RASSF6: variants seen among roughly 807,000 people sequenced by gnomAD.
RASSF6 encodes the protein Ras association domain family member 6.
RASSF6 carries 52 observed loss-of-function variants against 44.0 expected under a neutral mutation model. The observed-to-expected ratio is 1.18, with a 90% CI of 0.95 to 1.49. The LOEUF (loss-of-function observed/expected upper bound fraction) is 1.49. Among genes scored for constraint, RASSF6 ranks in the 40% most tolerant of loss-of-function variants. The probability of loss-of-function intolerance (pLI) is 0.00; values close to 1 mark genes in which losing one functional copy is unlikely to be tolerated. For synonymous variants in RASSF6, 162 were observed against 124.6 expected, an observed-to-expected ratio of 1.30 and a Z score of -2.00; for missense variants, 464 against 393.3, an observed-to-expected ratio of 1.18 and a Z score of -1.52.
At chr4:73,620,501 G>C (rs1726635033), upstream of RASSF6, 1 of 1,537,124 alleles carries the variant, frequency 6.5e-7, no homozygotes, top group Admixed American at 2.1e-5. Context: ...CCCAGAGCAT[G>C]GCTCAGCTGG....
At chr4:73,581,103 A>AC (rs1290018088) in intron 8 of RASSF6, among the ~76,000 whole-genome samples, 3 of 74,398 alleles carry the variant, frequency 4.0e-5, no homozygotes, top group Non-Finnish European at 9.8e-5. Context: ...CATTTTCTTA[A>AC]GGTGTTCTGG....
At chr4:73,578,591 T>C (rs1723397713) in intron 8 of RASSF6, among the ~76,000 whole-genome samples, 2 of 151,990 alleles carry the variant, frequency 1.3e-5, no homozygotes, top group Non-Finnish European at 1.5e-5. Context: ...AATCATATCG[T>C]GCTTGCTATT....
chr4:73,604,884 C>CTTTTTTTTTTTTTTTTTTTTTTTTT (rs35609056), intron 2 of RASSF6, among the ~76,000 whole-genome samples: 1 of 138,332 alleles, frequency 7.2e-6, no homozygotes, highest in Non-Finnish European at 1.5e-5. Context: ...CATTTTCTTT[C>CTTTTTTTTTTTTTTTTTTTTTTTTT]TTTTTTTTTT....
At chr4:73,608,098 C>T (rs1381421896) in intron 2 of RASSF6, among the ~76,000 whole-genome samples, 3 of 146,504 alleles carry the variant, frequency 2.0e-5, no homozygotes, top group African/African-American at 5.1e-5. Flanking sequence ...TTATGGTATG[C>T]TCTCAAAAGT....
Position 73,576,480 on chromosome 4 carries a change from A to T in RASSF6, c.868T>A (p.Ser290Thr), listed in dbSNP as rs1375632160. ...CTTTGAAGAATGGATTCCAAGAGAG[A>T]AAAGTGAAAGTTAATGTACTGAGCC... is the stretch of plus-strand genomic sequence containing the variant. ...DVAQYINFHF[S>T]LLESILQRLN... Residue 290 changes from serine (S) to threonine (T), a missense_variant, in exon 10 of 11, where the codon TCT becomes ACT. Transcript: ENST00000307439. 6.3e-7 allele frequency: 1 copy of T among 1,583,774 alleles called. No homozygotes were observed. The highest frequency in any genetic ancestry group is 1.4e-5 in the African/African-American group (1 of 73,760).
chr4:73,602,774 C>T (rs1166959563), intron 2 of RASSF6, among the ~76,000 whole-genome samples: 1 of 152,136 alleles, frequency 6.6e-6, no homozygotes, highest in Non-Finnish European at 1.5e-5. Context: ...TCTGTGATGT[C>T]CAAGGCACGC....
Position 73,575,382 on chromosome 4 carries a change from T to C in RASSF6, c.*853A>G, listed in dbSNP as rs925155732. Reference sequence around the variant, plus strand: ...GAATAAGATGCTAAGAGGGCAGAGTTTGGGATTCCCTATGTAACTTCAGCT... The same window carrying C: ...GAATAAGATGCTAAGAGGGCAGAGTCTGGGATTCCCTATGTAACTTCAGCT... On this transcript the variant is annotated 3_prime_UTR_variant, in exon 11 of 11. Transcript: ENST00000307439. 3 of 152,256 alleles carry C rather than the reference T, an allele frequency of 2.0e-5. No homozygotes were observed. Among genetic ancestry groups the C allele is most frequent in the East Asian group, 3.9e-4 (2 of 5,184 alleles). The allele number at this position is 152,256 out of a possible 1,614,324, so 9.4% of individuals were successfully genotyped here. A position where few individuals can be genotyped will look rare whatever the true frequency, so the allele number is the denominator to read the frequency against.
At chr4:73,616,290 C>T (rs1293532749) in intron 1 of RASSF6, among the ~76,000 whole-genome samples, 1 of 152,014 alleles carries the variant, frequency 6.6e-6, no homozygotes, top group African/African-American at 2.4e-5. Context: ...CAGGTGCTAA[C>T]TTCCCTGTAT....
chr4:73,608,887 G>A (rs1725824708), intron 2 of RASSF6, among the ~76,000 whole-genome samples: 1 of 152,218 alleles, frequency 6.6e-6, no homozygotes, highest in Non-Finnish European at 1.5e-5. Flanking sequence ...GCAGCCTCTG[G>A]AACACTGGCT....
chr4:73,588,110 A>G (rs1247661), intron 4 of RASSF6, among the ~76,000 whole-genome samples, 176 bp from the exon 5 acceptor site: 150,089 of 152,128 alleles, frequency 0.99, 74,067 homozygotes, highest in Middle Eastern at 1. Context: ...CAAAGTGGTC[A>G]ATATATGTTT....
chr4:73,609,456 A>T (rs1030494691), intron 2 of RASSF6, among the ~76,000 whole-genome samples: 5 of 152,280 alleles, frequency 3.3e-5, no homozygotes, highest in African/African-American at 9.6e-5. Flanking sequence ...AACTCAGAGA[A>T]TTCTCATCCA....
rs980217097 is a variant in RASSF6 at position 73,586,329 on chromosome 4, G to T, written c.383-965C>A. On this transcript the variant is annotated intron_variant, in intron 5 of 10. Transcript: ENST00000307439. ...TTCATAATTGATTAGTCAAAATTTG[G>T]TTACTGAATTATTACAATTTCTATA... is the stretch of plus-strand genomic sequence containing the variant. Among the ~76,000 whole-genome samples, 7 of 151,606 alleles carry T rather than the reference G, an allele frequency of 4.6e-5. No individual in the cohort carries two copies. In the East Asian group the frequency reaches 7.8e-4, roughly 17 times the overall value.
rs773058950 is a variant in RASSF6, at chr4:73,611,835, C to T, written c.-34-6G>A. On this transcript the variant is annotated splice_polypyrimidine_tract_variant and splice_region_variant and intron_variant, in intron 1 of 10. Coordinates refer to ENST00000307439, the MANE Select transcript of RASSF6 (RefSeq NM_177532.5). The stretch of plus-strand genomic sequence containing the variant: ...TGAGATGGTCTGAGGATATCCTAAA[C>T]ATGAGAATAATATTAATGATTTGTT... 1.3e-6 allele frequency: 2 copies of T among 1,553,520 alleles called. No homozygotes were observed. Among genetic ancestry groups the T allele is most frequent in the East Asian group, 4.5e-5 (2 of 44,340 alleles).
Position 73,572,504 on chromosome 4 carries a change from C to G in RASSF6, c.*3731G>C, listed in dbSNP as rs1207930381. 1 of 150,990 alleles carries G rather than the reference C, an allele frequency of 6.6e-6. No individual in the cohort carries two copies. The highest frequency in any genetic ancestry group is 1.5e-5 in the Non-Finnish European group (1 of 67,730). The allele number at this position is 150,990 out of a possible 1,614,324, so 9.4% of individuals were successfully genotyped here. ...CATATATAATAATATAATATTGTAC[C>G]CCATAAATACATACAATTATTATTT... On this transcript the variant is annotated 3_prime_UTR_variant, in exon 11 of 11. Coordinates refer to ENST00000307439, the MANE Select transcript of RASSF6 (RefSeq NM_177532.5).
At chr4:73,598,772 G>C in intron 2 of RASSF6, 54 bp from the exon 3 acceptor site, 1 of 725,726 alleles carries the variant, frequency 1.4e-6, no homozygotes, top group Non-Finnish European at 2.2e-6. Context: ...TAACGTAAAA[G>C]GTGATAATGG....
At chr4:73,618,851 T>TTACTAGTCA (rs1408773461) in intron 1 of RASSF6, among the ~76,000 whole-genome samples, 20 of 152,310 alleles carry the variant, frequency 1.3e-4, no homozygotes, top group African/African-American at 4.1e-4. Context: ...TCAATGGAAA[T>TTACTAGTCA]TACTAGTCAT....
chr4:73,587,964 C>A (rs1294673179), intron 4 of RASSF6, 30 bp from the exon 5 acceptor site: 4 of 1,413,392 alleles, frequency 2.8e-6, no homozygotes, highest in South Asian at 1.2e-5. Flanking sequence ...GTAAGTACAT[C>A]AGTTCCATTT....
intron 1 of RASSF6, among the ~76,000 whole-genome samples, chr4:73,614,539 G>A (rs144973985): frequency 6.6e-6 from 1 of 152,332 alleles, no homozygotes; most frequent in Non-Finnish European, 1.5e-5. Flanking sequence ...TGGAACTGAA[G>A]AACCACTGAT....
intron 2 of RASSF6, among the ~76,000 whole-genome samples, chr4:73,609,153 G>A (rs996003703): frequency 6.6e-6 from 1 of 152,162 alleles, no homozygotes; most frequent in Non-Finnish European, 1.5e-5. Flanking sequence ...GGTTCTGAGA[G>A]TGAAATCTGG....
Sources: allele counts gnomAD v4.1 joint callset (sites outside exome capture counted in the v4.1 genomes callset), GRCh38; gene constraint gnomAD v4.1.1; transcripts MANE v1.5; gene names NCBI Gene and HGNC (gene_info 2026-07-23, HGNC 2026-07-21).